Variants in ARHGEF3 observed in about 807,000 individuals in gnomAD.
ARHGEF3 encodes 59.8 kDA protein.
Under a neutral mutation model 63.2 loss-of-function variants are expected in ARHGEF3, and 28 were observed. That is an observed-to-expected ratio of 0.44 (90% CI 0.33 to 0.61). The LOEUF is 0.61. Among genes scored for constraint, ARHGEF3 ranks in the 20% least tolerant of loss-of-function variants. ARHGEF3 has a pLI of 0.03. For synonymous variants in ARHGEF3, 266 were observed against 254.2 expected (o/e 1.05, Z -0.44); for missense variants, 533 against 659.3 (o/e 0.81, Z 2.10).
At chr3:56,834,105 A>AT (rs1399143504) in intron 4 of ARHGEF3, among the ~76,000 whole-genome samples, 1 of 152,058 alleles carries the variant, frequency 6.6e-6, no homozygotes, top group Admixed American at 6.6e-5. Context: ...GGGTTTCACC[A>AT]TATTGGCCAG....
At chr3:56,919,562 C>G (rs769423699) in intron 3 of ARHGEF3, among the ~76,000 whole-genome samples, 1 of 152,168 alleles carries the variant, frequency 6.6e-6, no homozygotes, top group Non-Finnish European at 1.5e-5. Context: ...TTAGCAAATA[C>G]GAAAGATACA....
At position 56,923,071 on chromosome 3, in the gene ARHGEF3, T is replaced by A. The variant is rs113480428; in HGVS notation, c.129+35752A>T. 1.2e-3 allele frequency among the ~76,000 whole-genome samples: 50 copies of A among 40,416 alleles called. 1 individual carries two copies. The highest frequency in any genetic ancestry group is 1.2e-3 in the African/African-American group (14 of 11,980). The allele number at this position is 40,416 out of a possible 152,430, so 26.5% of individuals were successfully genotyped here. ...ATATATATATATATATATATATATA[T>A]ATATAAATTAGTTGGGCATGGTGGC... On this transcript the variant is annotated intron_variant, in intron 3 of 12. Coordinates refer to the ARHGEF3 transcript ENST00000338458.
At chr3:56,950,181 G>C (rs1446127795) in intron 3 of ARHGEF3, among the ~76,000 whole-genome samples, 1 of 151,988 alleles carries the variant, frequency 6.6e-6, no homozygotes, top group Non-Finnish European at 1.5e-5. Context: ...AAAAACCCTA[G>C]AAGAAAACCT....
chr3:56,988,631 G>A (rs1353431521), intron 2 of ARHGEF3, among the ~76,000 whole-genome samples: 1 of 152,202 alleles, frequency 6.6e-6, no homozygotes, highest in African/African-American at 2.4e-5. Context: ...GCATGTCCCA[G>A]TGTTGTTCCC....
chr3:56,729,214 T>G lies in ARHGEF3; in HGVS notation c.*56A>C. The G allele has an allele frequency of 6.8e-7, 1 of 1,479,774 alleles. No individual in the cohort carries two copies. The highest frequency in any genetic ancestry group is 9.2e-7 in the Non-Finnish European group (1 of 1,090,192). 91.7% of individuals were successfully genotyped at this position (1,479,774 alleles called of 1,614,324 possible). ...TCTCCAAACCGTTCCATCTGTGGAA[T>G]GCAAATACTGTACAGGTAAGATGCA... On this transcript the variant is annotated 3_prime_UTR_variant, in exon 10 of 10. Transcript: ENST00000296315.
intron 7 of ARHGEF3, among the ~76,000 whole-genome samples, chr3:56,739,401 T>C (rs1461207149): frequency 2.0e-5 from 3 of 150,284 alleles, no homozygotes; most frequent in Admixed American, 6.6e-5. Context: ...TTTTCCTTTT[T>C]TTTTTTTTTT....
intron 4 of ARHGEF3, among the ~76,000 whole-genome samples, chr3:56,818,568 GA>G (rs2038353980): frequency 6.6e-6 from 1 of 152,188 alleles, no homozygotes; most frequent in Non-Finnish European, 1.5e-5. Flanking sequence ...TGCTGCTCAA[GA>G]TGTATGAATA....
intron 1 of ARHGEF3, among the ~76,000 whole-genome samples, chr3:56,785,125 CCACGTCACCTGCCAGAAT>C (rs2036740746): frequency 6.6e-6 from 1 of 152,156 alleles, no homozygotes; most frequent in African/African-American, 2.4e-5. Context: ...AGCTAGAGTT[CCACGTCACCTGCCAGAAT>C]CATACCAATA....
chr3:56,971,250 C>T (rs1323029411), intron 2 of ARHGEF3, among the ~76,000 whole-genome samples: 4 of 152,106 alleles, frequency 2.6e-5, no homozygotes, highest in Admixed American at 6.5e-5. Context: ...GAAGAACATG[C>T]ATAGTGGAAG....
intron 2 of ARHGEF3, among the ~76,000 whole-genome samples, chr3:56,961,966 G>A (rs34589949): frequency 0.2 from 29,832 of 152,180 alleles, 3,295 homozygotes; most frequent in Middle Eastern, 0.36. Context: ...GATTGCTTAA[G>A]CCCAGAAGTT....
chr3:56,856,380 G>T (rs1287566031), intron 4 of ARHGEF3, among the ~76,000 whole-genome samples: 2 of 152,190 alleles, frequency 1.3e-5, no homozygotes, highest in African/African-American at 4.8e-5. Flanking sequence ...GCTGACATGG[G>T]ATGGAAGGAT....
intron 2 of ARHGEF3, among the ~76,000 whole-genome samples, chr3:57,002,479 T>TTATATATATATATATTTTA (rs1560122743): frequency 2.5e-5 from 1 of 39,472 alleles, no homozygotes; most frequent in Admixed American, 3.5e-4. Context: ...TATATATATG[T>TTATATATATATATATTTTA]TATATATATA....
chr3:56,994,288 G>A lies in ARHGEF3; in HGVS notation c.63-35399C>T, dbSNP rs566439767. On this transcript the variant is annotated intron_variant, in intron 2 of 12. Transcript: ENST00000338458. ...GCAAAAAGCACGGCAAGGAAACGAGGTTTAACTATAGAAGCTCTAGTACTA... is the reference window on the plus strand; with the variant it reads ...GCAAAAAGCACGGCAAGGAAACGAGATTTAACTATAGAAGCTCTAGTACTA... Among the ~76,000 whole-genome samples the A allele has an allele frequency of 1.4e-3, 214 of 152,136 alleles. 2 individuals carry two copies. Among genetic ancestry groups the A allele is most frequent in the African/African-American group, 5.0e-3 (206 of 41,518 alleles).
chr3:56,849,709 C>G (rs917986102), intron 4 of ARHGEF3, among the ~76,000 whole-genome samples: 2 of 151,928 alleles, frequency 1.3e-5, no homozygotes, highest in African/African-American at 4.8e-5. Context: ...AAAGAAAACA[C>G]AGTTTTCTAT....
At chr3:56,996,179 G>T (rs1701981032) in intron 2 of ARHGEF3, among the ~76,000 whole-genome samples, 1 of 152,066 alleles carries the variant, frequency 6.6e-6, no homozygotes, top group African/African-American at 2.4e-5. Context: ...ATCACCATCT[G>T]CCCCCATTTC....
chr3:56,818,141 C>T (rs2038338639), intron 4 of ARHGEF3, among the ~76,000 whole-genome samples: 1 of 152,206 alleles, frequency 6.6e-6, no homozygotes, highest in Non-Finnish European at 1.5e-5. Flanking sequence ...TGTCCTGGGA[C>T]TCTGGCTAGG....
intron 1 of ARHGEF3, among the ~76,000 whole-genome samples, chr3:57,047,843 C>T (rs113023138): frequency 8.5e-5 from 13 of 152,164 alleles, no homozygotes; most frequent in African/African-American, 2.9e-4. Context: ...TGAAGCCTTC[C>T]GGAGCTGGGA....
chr3:56,928,011 A>G (rs1051932144), intron 3 of ARHGEF3, among the ~76,000 whole-genome samples: 1 of 152,196 alleles, frequency 6.6e-6, no homozygotes. Context: ...ACATGCAGGA[A>G]ATCTACCCCA....
At position 56,755,084 on chromosome 3, in the gene ARHGEF3, G is replaced by C; in HGVS notation, c.272C>G (p.Ala91Gly). Residue 91 changes from alanine to glycine, a missense_variant, in exon 3 of 10, where the codon GCC becomes GGC. This residue lies in a region of ARHGEF3 where 160 missense variants were observed against 157.3 expected (regional missense o/e 1.02). Coordinates refer to ENST00000296315, the MANE Select transcript of ARHGEF3 (RefSeq NM_019555.3). ...TCTCCGTTTCGTGCTCGAGGGGGCG[G>C]CATTTCTGGACCAGGGTCGGGGGGC... ...ILAPRPWSRN[A>G]APSSTKRRDS... 6.2e-7 allele frequency: 1 copy of C among 1,614,024 alleles called. No individual in the cohort carries two copies. The highest frequency in any genetic ancestry group is 8.5e-7 in the Non-Finnish European group (1 of 1,180,010).
Sources: allele counts gnomAD v4.1 joint callset (sites outside exome capture counted in the v4.1 genomes callset), GRCh38; gene constraint gnomAD v4.1.1; regional missense constraint gnomAD v4.1.1; transcripts MANE v1.5; gene names NCBI Gene and HGNC (gene_info 2026-07-23, HGNC 2026-07-21).